EPB41L5: variants seen among roughly 807,000 people sequenced by gnomAD.
EPB41L5 encodes the protein erythrocyte membrane protein band 4.1 like 5, also known as band 4.1-like protein 5.
Under a neutral mutation model 106.6 loss-of-function variants are expected in EPB41L5, and 55 were observed. That is an observed-to-expected ratio of 0.52 (90% confidence interval 0.42 to 0.65). EPB41L5 has a LOEUF of 0.65. Ranked by LOEUF, EPB41L5 falls within the 30% of genes least tolerant of loss-of-function variation. The pLI is 0.00. For missense variants in EPB41L5, 871 were observed against 882.1 expected (o/e 0.99, Z 0.16); for synonymous variants, 297 against 306.7 (o/e 0.97, Z 0.33).
At chr2:120,163,268 C>A (rs1397551210) in intron 21 of EPB41L5, among the ~76,000 whole-genome samples, 6 of 140,432 alleles carry the variant, frequency 4.3e-5, no homozygotes, top group South Asian at 5.1e-4. Context: ...GCCCCCCCCC[C>A]CCCCAAAAAA....
intron 18 of EPB41L5, among the ~76,000 whole-genome samples, chr2:120,138,736 T>C (rs544697663): frequency 8.7e-4 from 133 of 152,164 alleles, no homozygotes; most frequent in African/African-American, 3.2e-3. Flanking sequence ...AGACTCAGTA[T>C]TGATTCAATG....
At chr2:120,099,981 A>G (rs1684032676) in intron 14 of EPB41L5, among the ~76,000 whole-genome samples, 1 of 152,196 alleles carries the variant, frequency 6.6e-6, no homozygotes, top group Admixed American at 6.5e-5. Context: ...TGTGAAGTAT[A>G]CCTCTAAAGC....
At chr2:120,048,671 A>G (rs911482525) in intron 3 of EPB41L5, among the ~76,000 whole-genome samples, 2 of 151,384 alleles carry the variant, frequency 1.3e-5, no homozygotes, top group Non-Finnish European at 2.9e-5. Flanking sequence ...CTCTGATCTT[A>G]GTTATTTCTT....
intron 20 of EPB41L5, among the ~76,000 whole-genome samples, chr2:120,149,181 T>TTTTTTTTTTTTTTG (rs1686555801): frequency 2.6e-5 from 4 of 152,336 alleles, no homozygotes; most frequent in African/African-American, 9.6e-5. Context: ...TTTATTTTTG[T>TTTTTTTTTTTTTTG]AGTAACAGCT....
chr2:120,114,451 A>G (rs1684860357), intron 16 of EPB41L5, among the ~76,000 whole-genome samples: 1 of 152,190 alleles, frequency 6.6e-6, no homozygotes, highest in Non-Finnish European at 1.5e-5. Context: ...ACTGCAGGCT[A>G]ATGTAAGTGT....
intron 20 of EPB41L5, among the ~76,000 whole-genome samples, chr2:120,147,442 A>G (rs1019767000): frequency 1.3e-5 from 2 of 152,138 alleles, no homozygotes; most frequent in East Asian, 3.9e-4. Flanking sequence ...CCTAGCCAAC[A>G]TGGTGAAACC....
chr2:120,028,914 G>C (rs1678517603), intron 2 of EPB41L5, among the ~76,000 whole-genome samples: 1 of 152,166 alleles, frequency 6.6e-6, no homozygotes, highest in Admixed American at 6.6e-5. Context: ...TTGAAAGCCA[G>C]ATTTTAGAGG....
chr2:120,170,491 T>C (rs1321060207), intron 24 of EPB41L5, among the ~76,000 whole-genome samples: 1 of 152,244 alleles, frequency 6.6e-6, no homozygotes, highest in Non-Finnish European at 1.5e-5. Context: ...ACTCAGTTCC[T>C]AGCTGGTGAT....
intron 5 of EPB41L5, among the ~76,000 whole-genome samples, chr2:120,074,867 A>G (rs1055283448): frequency 2.0e-5 from 3 of 152,154 alleles, no homozygotes; most frequent in Non-Finnish European, 4.4e-5. Context: ...TCGCTCTGTC[A>G]TCTAGGCTGG....
At chr2:120,104,859 TA>T in intron 16 of EPB41L5, 1 of 973,766 alleles carries the variant, frequency 1.0e-6, no homozygotes, top group Non-Finnish European at 1.2e-6. Flanking sequence ...GTGGCTCATG[TA>T]TAGAGAAATC....
At position 120,061,763 on chromosome 2, in the gene EPB41L5, G is replaced by T. The variant is rs148424589; in HGVS notation, c.286-11415G>T. The stretch of plus-strand genomic sequence containing the variant: ...TATTATGCTTTTAGAAAAGGGAAAC[G>T]TAGATAGCATTTCTCATAAATACTT... On this transcript the variant is annotated intron_variant, in intron 3 of 24. Coordinates refer to ENST00000263713, the MANE Select transcript of EPB41L5 (RefSeq NM_020909.4). Among the ~76,000 whole-genome samples the T allele has an allele frequency of 5.2e-3, 794 of 152,240 alleles. 9 individuals are homozygous for T. Among genetic ancestry groups the T allele is most frequent in the African/African-American group, 0.018 (751 of 41,556 alleles).
At chr2:120,015,819 A>G (rs1314307958) in intron 1 of EPB41L5, among the ~76,000 whole-genome samples, 1 of 147,590 alleles carries the variant, frequency 6.8e-6, no homozygotes, top group Non-Finnish European at 1.5e-5. Flanking sequence ...GTGGGATGGT[A>G]TGTGCCCGTA....
intron 17 of EPB41L5, among the ~76,000 whole-genome samples, chr2:120,129,728 T>C (rs1331799163): frequency 6.6e-6 from 1 of 152,244 alleles, no homozygotes; most frequent in Non-Finnish European, 1.5e-5. Context: ...GGAAATCTGA[T>C]ATATCAAAGA....
intron 1 of EPB41L5, among the ~76,000 whole-genome samples, chr2:120,014,834 A>C (rs1257163439): frequency 6.6e-6 from 1 of 152,136 alleles, no homozygotes; most frequent in Non-Finnish European, 1.5e-5. Flanking sequence ...ATCTAGGACC[A>C]GGGCCATTAA....
rs750759777 is a variant in EPB41L5 at position 120,087,229 on chromosome 2, G to A, written c.862G>A (p.Asp288Asn). Reference protein sequence around the residue: ...KNKLTLVVVEDDDQGKEQEHT... With the variant: ...KNKLTLVVVENDDQGKEQEHT... ...TAAATTAACCTTGGTGGTTGTAGAA[G>A]ATGATGATCAGGTAGGAATAAAATT... is the stretch of plus-strand genomic sequence containing the variant. The change falls in exon 11 of 25, where the codon GAT becomes AAT. Residue 288 changes from aspartate to asparagine, a missense_variant. Coordinates refer to ENST00000263713, the MANE Select transcript of EPB41L5 (RefSeq NM_020909.4). The A allele has an allele frequency of 7.0e-6, 11 of 1,566,884 alleles. No individual in the cohort carries two copies. The South Asian group carries it at 1.2e-4, about 17-fold the overall frequency.
chr2:120,049,464 A>G (rs539573091), intron 3 of EPB41L5, among the ~76,000 whole-genome samples: 1 of 152,094 alleles, frequency 6.6e-6, no homozygotes, highest in South Asian at 2.1e-4. Flanking sequence ...AGTCTGTTTT[A>G]TCAGAGAGTA....
intron 16 of EPB41L5, among the ~76,000 whole-genome samples, chr2:120,125,955 T>G (rs1685441695): frequency 6.6e-6 from 1 of 152,092 alleles, no homozygotes; most frequent in African/African-American, 2.4e-5. Flanking sequence ...CTGGCAGTCT[T>G]TGGTGTTTCT....
rs374929319 is a variant in EPB41L5 at position 120,018,032 on chromosome 2, G to A, written c.-8-1045G>A. Reference sequence around the variant, plus strand: ...GCTGGAGTACCGTGGCGCCATCTCGGCTCACTGCAAGCTCCACCTCCCGGG... The same window carrying A: ...GCTGGAGTACCGTGGCGCCATCTCGACTCACTGCAAGCTCCACCTCCCGGG... On this transcript the variant is annotated intron_variant, in intron 1 of 24. Transcript: ENST00000263713. 7.3e-5 allele frequency among the ~76,000 whole-genome samples: 11 copies of A among 151,398 alleles called. No individual in the cohort carries two copies. The East Asian group carries it at 1.6e-3, about 21-fold the overall frequency.
Position 120,077,306 on chromosome 2 carries a change from A to C in EPB41L5, c.704A>C (p.His235Pro). 1 of 1,611,412 alleles carries C rather than the reference A, an allele frequency of 6.2e-7. No individual in the cohort carries two copies. Among genetic ancestry groups the C allele is most frequent in the South Asian group, 1.1e-5 (1 of 90,616 alleles). ...KWLEMYGVDM[H>P]VVKARDGNDY... ...CTAGAAATGTATGGGGTTGATATGC[A>C]TGTGGTCAAGGTAAGCATTGTGTTG... The change falls in exon 9 of 25, where the codon CAT becomes CCT. Residue 235 changes from histidine to proline, a missense_variant. Physicochemically the swap from His to Pro is moderately conservative, Grantham distance 77. Transcript: ENST00000263713.
Sources: gnomAD v4.1 joint callset for allele counts (sites outside exome capture counted in the v4.1 genomes callset) on GRCh38, gnomAD v4.1.1 for gene constraint, MANE v1.5 for transcripts, NCBI Gene and HGNC (gene_info 2026-07-23, HGNC 2026-07-21) for gene names.